The following CHN1 variants were observed in gnomAD, a reference collection of about 807,000 sequenced individuals.
CHN1 encodes the protein chimerin 1.
Under a neutral mutation model 59.5 loss-of-function variants are expected in CHN1, and 37 were observed. The observed-to-expected ratio is 0.62, with a 90% CI of 0.48 to 0.82. CHN1 has a LOEUF of 0.82. Among genes scored for constraint, CHN1 ranks in the 40% least tolerant of loss-of-function variants. The pLI is 0.00. For missense variants in CHN1, 469 were observed against 571.0 expected, an observed-to-expected ratio of 0.82 and a Z score of 1.82; for synonymous variants, 206 against 200.4, an observed-to-expected ratio of 1.03 and a Z score of -0.24.
chr2:174,985,701 T>C (rs1423583842), intron 1 of CHN1, among the ~76,000 whole-genome samples: 1 of 152,204 alleles, frequency 6.6e-6, no homozygotes, highest in Non-Finnish European at 1.5e-5. Flanking sequence ...TTGGCTCCTA[T>C]ACCGGAAATG....
intron 7 of CHN1, among the ~76,000 whole-genome samples, chr2:174,845,974 T>C (rs943351077): frequency 6.6e-6 from 1 of 152,162 alleles, no homozygotes; most frequent in Admixed American, 6.5e-5. Flanking sequence ...AACCAAATTA[T>C]TCCCTTTCTA....
At position 174,829,014 on chromosome 2, in the gene CHN1, C is replaced by T. The variant is rs142825538; in HGVS notation, c.628-4496G>A. 4.5e-4 allele frequency among the ~76,000 whole-genome samples: 69 copies of T among 152,290 alleles called. 1 individual carries two copies. The highest frequency in any genetic ancestry group is 8.7e-4 in the Non-Finnish European group (59 of 68,030). ...GGCCACAGATATTTTTTCTAGGCCA[C>T]CTCCAAAGCTTTTGGTCCATCTCGA... On this transcript the variant is annotated intron_variant, in intron 7 of 12. Coordinates refer to ENST00000409900, the MANE Select transcript of CHN1 (RefSeq NM_001822.7).
intron 3 of CHN1, among the ~76,000 whole-genome samples, chr2:174,922,851 G>A (rs1689053151): frequency 6.6e-6 from 1 of 152,106 alleles, no homozygotes; most frequent in South Asian, 2.1e-4. Context: ...AAATCATTAA[G>A]ACAAACGATT....
rs868140213 is a variant in CHN1, at chr2:174,807,446, C to G, written c.1102+1459G>C. On this transcript the variant is annotated intron_variant, in intron 11 of 12. Transcript: ENST00000409900. ...GACTAGGCAGCTTTTCACGGGCTAT[C>G]TGTGTGTGTGTGTGTGTGTGTGTGT... 1.9e-3 allele frequency among the ~76,000 whole-genome samples: 156 copies of G among 83,842 alleles called. 1 individual carries two copies. Among genetic ancestry groups the G allele is most frequent in the South Asian group, 6.2e-3 (10 of 1,616 alleles). 55.0% of individuals were successfully genotyped at this position (83,842 alleles called of 152,430 possible). A position where few individuals can be genotyped will look rare whatever the true frequency, so the allele number is the denominator to read the frequency against.
chr2:174,800,381 G>A, intron 12 of CHN1, 94 bp from the exon 13 acceptor site: 1 of 996,338 alleles, frequency 1.0e-6, no homozygotes, highest in South Asian at 3.5e-5. Flanking sequence ...CACAATAAAA[G>A]TTTGCGTCCG....
chr2:174,903,871 T>G (rs984712667), intron 5 of CHN1, among the ~76,000 whole-genome samples: 1 of 152,210 alleles, frequency 6.6e-6, no homozygotes, highest in Admixed American at 6.5e-5. Flanking sequence ...GGAATAAACC[T>G]TATCTTTAAA....
intron 8 of CHN1, among the ~76,000 whole-genome samples, chr2:174,815,143 A>G (rs1422086637): frequency 1.3e-5 from 2 of 152,150 alleles, no homozygotes; most frequent in Non-Finnish European, 2.9e-5. Context: ...TTGAAAGGCT[A>G]AAGTGGGAGA....
At chr2:174,944,146 A>G (rs1184783905) in intron 3 of CHN1, among the ~76,000 whole-genome samples, 2 of 152,156 alleles carry the variant, frequency 1.3e-5, no homozygotes, top group African/African-American at 4.8e-5. Flanking sequence ...ATTACTAACA[A>G]TCCTACAATA....
chr2:174,802,277 C>A (rs1478691192), intron 11 of CHN1, among the ~76,000 whole-genome samples: 2 of 152,166 alleles, frequency 1.3e-5, no homozygotes, highest in African/African-American at 4.8e-5. Context: ...CACTATGACC[C>A]CAAGAAAGTC....
intron 3 of CHN1, among the ~76,000 whole-genome samples, chr2:174,924,737 T>G (rs1055416264): frequency 3.9e-5 from 6 of 152,246 alleles, no homozygotes; most frequent in Admixed American, 2.0e-4. Context: ...TAACCCCAAA[T>G]TAGTTTACTT....
At chr2:174,808,807 A>T in intron 11 of CHN1, 98 bp downstream of exon 11, 1 of 1,312,660 alleles carries the variant, frequency 7.6e-7, no homozygotes, top group Non-Finnish European at 1.1e-6. Flanking sequence ...CAAAGGGGAA[A>T]CATTTCATAA....
intron 4 of CHN1, among the ~76,000 whole-genome samples, chr2:174,917,686 G>C (rs925119790): frequency 1.3e-5 from 2 of 151,974 alleles, no homozygotes; most frequent in Admixed American, 1.3e-4. Context: ...CCTTAACTTT[G>C]AAATCACCCT....
chr2:174,942,574 C>A (rs1689697762), intron 3 of CHN1, among the ~76,000 whole-genome samples: 1 of 151,762 alleles, frequency 6.6e-6, no homozygotes, highest in Non-Finnish European at 1.5e-5. Flanking sequence ...ATAAGAGTTA[C>A]AAATAATTTA....
intron 8 of CHN1, among the ~76,000 whole-genome samples, chr2:174,816,081 G>C (rs953447299): frequency 1.3e-5 from 2 of 152,162 alleles, no homozygotes; most frequent in African/African-American, 4.8e-5. Flanking sequence ...TTGGGGAATA[G>C]TACTATTTTA....
At chr2:174,888,878 A>G (rs768430681) in intron 5 of CHN1, among the ~76,000 whole-genome samples, 4 of 152,208 alleles carry the variant, frequency 2.6e-5, no homozygotes, top group Admixed American at 6.5e-5. Flanking sequence ...TGCAGCAGCA[A>G]AAGAGGTCTT....
chr2:174,805,463 G>A (rs1429128475), intron 11 of CHN1, among the ~76,000 whole-genome samples: 1 of 152,204 alleles, frequency 6.6e-6, no homozygotes, highest in East Asian at 1.9e-4. Context: ...AGGAACATGA[G>A]CAAGAACTCC....
chr2:174,916,064 A>C (rs1688839742), intron 4 of CHN1, among the ~76,000 whole-genome samples: 1 of 152,162 alleles, frequency 6.6e-6, no homozygotes. Flanking sequence ...CTCCCTATCT[A>C]CCTAAAGATA....
intron 6 of CHN1, among the ~76,000 whole-genome samples, chr2:174,870,504 C>T (rs886654002): frequency 2.6e-5 from 4 of 152,074 alleles, no homozygotes; most frequent in Admixed American, 6.5e-5. Flanking sequence ...AAGGAAAATA[C>T]GATGGAGCAA....
rs375227193 is a variant in CHN1, at chr2:174,864,567, C to T, written c.549+13273G>A. ...GTATCTCATTCTACTAAGTATACTG[C>T]TATTTAAAATTCACATGTTCTGGCT... On this transcript the variant is annotated intron_variant, in intron 6 of 12. Coordinates refer to ENST00000409900, the MANE Select transcript of CHN1 (RefSeq NM_001822.7). Among the ~76,000 whole-genome samples, 21 of 152,192 alleles carry T rather than the reference C, an allele frequency of 1.4e-4. No homozygotes were observed. The South Asian group carries it at 4.2e-3, about 30-fold the overall frequency.
Sources: gnomAD v4.1 joint callset for allele counts (sites outside exome capture counted in the v4.1 genomes callset) on GRCh38, gnomAD v4.1.1 for gene constraint, MANE v1.5 for transcripts, NCBI Gene and HGNC (gene_info 2026-07-23, HGNC 2026-07-21) for gene names.